KIAA1217: variants seen among roughly 807,000 people sequenced by gnomAD.
KIAA1217 encodes the protein sickle tail protein homolog.
Under a neutral mutation model 163.9 loss-of-function variants are expected in KIAA1217, and 88 were observed. The ratio of observed to expected loss-of-function variants is 0.54; its 90% CI spans 0.45 to 0.64. The LOEUF (loss-of-function observed/expected upper bound fraction) is 0.64, where lower values mean the gene tolerates loss of function less well. KIAA1217 is among the 30% of genes least tolerant of loss of function. The probability of loss-of-function intolerance (pLI) is 0.00; values close to 1 mark genes in which losing one functional copy is unlikely to be tolerated. For synonymous variants in KIAA1217, 903 were observed against 923.1 expected (o/e 0.98, Z 0.39); for missense variants, 2,372 against 2,475.0 (o/e 0.96, Z 0.88).
Position 23,765,187 on chromosome 10 carries a change from CTTTTTTTTTTTTTTT to C in KIAA1217, c.-321+69964_-321+69978del, listed in dbSNP as rs67342339. On this transcript the variant is annotated intron_variant, in intron 1 of 18. Coordinates refer to the KIAA1217 transcript ENST00000376462. Reference sequence around the variant, plus strand: ...TCTTTTGTTTTCCCTTTTTTGTTCTCTTTTTTTTTTTTTTTTTTTTTTTTTGAGACGGAGTCTTGC... The same window carrying C: ...TCTTTTGTTTTCCCTTTTTTGTTCTCTTTTTTTTTTGAGACGGAGTCTTGC... Among the ~76,000 whole-genome samples the C allele has an allele frequency of 5.6e-3, 420 of 75,398 alleles. 7 individuals are homozygous for C. The highest frequency in any genetic ancestry group is 4.8e-3 in the Admixed American group (24 of 4,994). 49.5% of individuals were successfully genotyped at this position (75,398 alleles called of 152,430 possible). A position where few individuals can be genotyped will look rare whatever the true frequency, so the allele number is the denominator to read the frequency against.
At chr10:24,156,615 A>G (rs2064888037) in intron 2 of KIAA1217, among the ~76,000 whole-genome samples, 1 of 152,186 alleles carries the variant, frequency 6.6e-6, no homozygotes, top group South Asian at 2.1e-4. Context: ...AGAGCCTGGA[A>G]TCCCCTACTG....
intron 2 of KIAA1217, among the ~76,000 whole-genome samples, chr10:24,060,637 A>T (rs186092489): frequency 8.7e-4 from 132 of 152,016 alleles, no homozygotes; most frequent in Non-Finnish European, 1.5e-3. Context: ...TCTACAAAAA[A>T]ATTTTTTTAT....
chr10:24,063,656 GT>G (rs1302059712), intron 2 of KIAA1217, among the ~76,000 whole-genome samples: 5 of 152,194 alleles, frequency 3.3e-5, no homozygotes, highest in East Asian at 1.9e-4. Flanking sequence ...CTTTAAAGTA[GT>G]TTTTTTCCAA....
intron 2 of KIAA1217, among the ~76,000 whole-genome samples, chr10:24,234,828 T>C (rs922630937): frequency 3.3e-5 from 5 of 152,228 alleles, no homozygotes; most frequent in Non-Finnish European, 7.3e-5. Context: ...AAGTACTGTA[T>C]GTCTATTCTT....
intron 1 of KIAA1217, among the ~76,000 whole-genome samples, chr10:23,996,600 T>C (rs1385976966): frequency 1.3e-5 from 2 of 152,180 alleles, no homozygotes; most frequent in East Asian, 3.9e-4. Context: ...CTAATTGTCA[T>C]ACCAAAGTAC....
At chr10:24,206,283 A>G (rs2067549717), upstream of KIAA1217, among the ~76,000 whole-genome samples, 1 of 152,252 alleles carries the variant, frequency 6.6e-6, no homozygotes, top group African/African-American at 2.4e-5. Context: ...TTGCAATGTA[A>G]TAGCAATTTT....
chr10:23,961,178 A>G (rs2131372961), intron 1 of KIAA1217, among the ~76,000 whole-genome samples: 1 of 152,312 alleles, frequency 6.6e-6, no homozygotes, highest in Non-Finnish European at 1.5e-5. Context: ...CAGTTTATTT[A>G]TCTTCTTGCC....
chr10:24,244,561 C>CTTTTTTTTTTTTTTTTT (rs11318420), intron 2 of KIAA1217, among the ~76,000 whole-genome samples: 2 of 85,282 alleles, frequency 2.3e-5, no homozygotes, highest in Non-Finnish European at 4.7e-5. Context: ...TTCTTTCTTT[C>CTTTTTTTTTTTTTTTTT]TTTTTTTTTT....
intron 1 of KIAA1217, among the ~76,000 whole-genome samples, chr10:23,833,129 T>G (rs1185962436): frequency 2.6e-5 from 4 of 152,158 alleles, no homozygotes; most frequent in African/African-American, 4.8e-5. Context: ...TAGACTCCAG[T>G]ATATCTGTAA....
intron 1 of KIAA1217, among the ~76,000 whole-genome samples, chr10:23,848,737 C>A (rs761446028): frequency 2.6e-5 from 4 of 152,036 alleles, no homozygotes; most frequent in Non-Finnish European, 5.9e-5. Context: ...TCTTATATAT[C>A]TATTGAATTA....
chr10:24,175,023 A>AC (rs1554893527), intron 2 of KIAA1217, among the ~76,000 whole-genome samples: 3 of 148,696 alleles, frequency 2.0e-5, no homozygotes, highest in African/African-American at 2.5e-5. Flanking sequence ...TGCCTGGCTA[A>AC]TTTTTTTTTT....
chr10:23,968,073 C>T (rs575056060), intron 1 of KIAA1217, among the ~76,000 whole-genome samples: 1 of 151,716 alleles, frequency 6.6e-6, no homozygotes, highest in Admixed American at 6.6e-5. Flanking sequence ...TCTATTAATT[C>T]TCCTGCAGAT....
Position 24,473,863 on chromosome 10 carries a change from C to A in KIAA1217, c.1482C>A (p.Gly494=). 1 of 1,614,118 alleles carries A rather than the reference C, an allele frequency of 6.2e-7. No homozygotes were observed. Among genetic ancestry groups the A allele is most frequent in the African/African-American group, 1.3e-5 (1 of 75,030 alleles). The change falls in exon 6 of 21, where the codon GGC becomes GGA. Residue 494 remains glycine (G), a synonymous_variant. Transcript: ENST00000376454. The part of the protein sequence containing the change: ...IDMHAHYNAH[G]PPHTMQPDRA... ...TGCACGCTCACTATAATGCCCACGG[C>A]CCCCCTCACACCATGCAGCCAGACC...
chr10:24,204,672 G>A (rs1340785428), upstream of KIAA1217, among the ~76,000 whole-genome samples: 2 of 151,686 alleles, frequency 1.3e-5, no homozygotes, highest in African/African-American at 2.4e-5. Context: ...ATTATTAATA[G>A]TGTCTACTTT....
chr10:23,939,424 C>T (rs921400772), intron 1 of KIAA1217, among the ~76,000 whole-genome samples: 2 of 152,054 alleles, frequency 1.3e-5, no homozygotes, highest in Non-Finnish European at 2.9e-5. Context: ...ACCATGCTAA[C>T]ACTATTCAAA....
intron 9 of KIAA1217, among the ~76,000 whole-genome samples, chr10:24,506,186 G>T (rs1432939105): frequency 6.6e-6 from 1 of 152,192 alleles, no homozygotes; most frequent in Admixed American, 6.5e-5. Context: ...CCTGAAGCCT[G>T]CAGGAACAGA....
intron 2 of KIAA1217, among the ~76,000 whole-genome samples, chr10:24,061,568 C>G (rs2060722706): frequency 6.6e-6 from 1 of 152,178 alleles, no homozygotes; most frequent in South Asian, 2.1e-4. Flanking sequence ...TCTTGTAAGG[C>G]AGGTAAGCGG....
At chr10:24,534,768 C>T (rs2073719882) in intron 16 of KIAA1217, among the ~76,000 whole-genome samples, 1 of 151,420 alleles carries the variant, frequency 6.6e-6, no homozygotes, top group African/African-American at 2.4e-5. Context: ...GTAATCCCAG[C>T]TACTCGGGAG....
chr10:24,517,764 G>A (rs1292003351), intron 10 of KIAA1217, among the ~76,000 whole-genome samples: 1 of 152,200 alleles, frequency 6.6e-6, no homozygotes, highest in Non-Finnish European at 1.5e-5. Flanking sequence ...GGAGGCCAAG[G>A]TGGGTAGATC....
Sources: allele counts gnomAD v4.1 joint callset (sites outside exome capture counted in the v4.1 genomes callset), GRCh38; gene constraint gnomAD v4.1.1; transcripts MANE v1.5; gene names NCBI Gene and HGNC (gene_info 2026-07-23, HGNC 2026-07-21).